Variants in NCALD observed in about 807,000 individuals in gnomAD.
NCALD encodes neurocalcin-delta.
A neutral mutation model predicts 18.6 loss-of-function variants in NCALD; 10 were observed. That is an observed-to-expected ratio of 0.54 (90% CI 0.33 to 0.91). The LOEUF is 0.91. NCALD is among the 40% of genes least tolerant of loss of function. The probability of loss-of-function intolerance (pLI) is 0.03; values close to 1 mark genes in which losing one functional copy is unlikely to be tolerated. For synonymous variants in NCALD, 88 were observed against 87.4 expected, an observed-to-expected ratio of 1.01 and a Z score of -0.04; for missense variants, 184 against 247.6, an observed-to-expected ratio of 0.74 and a Z score of 1.72.
intron 2 of NCALD, among the ~76,000 whole-genome samples, chr8:101,995,657 T>G (rs1821212546): frequency 6.6e-6 from 1 of 151,994 alleles, no homozygotes; most frequent in South Asian, 2.1e-4. Flanking sequence ...TCATGAGGGA[T>G]TCACCCCCAT....
intron 1 of NCALD, among the ~76,000 whole-genome samples, chr8:101,741,736 A>C (rs2130698074): frequency 7.0e-6 from 1 of 142,242 alleles, no homozygotes; most frequent in South Asian, 2.4e-4. Flanking sequence ...AGACCAGCCT[A>C]AGCAGCATAG....
chr8:101,920,968 A>G (rs1357691228), intron 2 of NCALD, among the ~76,000 whole-genome samples: 5 of 152,228 alleles, frequency 3.3e-5, no homozygotes, highest in African/African-American at 1.2e-4. Flanking sequence ...TAGGAATATT[A>G]TATTGGTTAG....
chr8:102,068,939 T>C (rs1824094415), intron 1 of NCALD, among the ~76,000 whole-genome samples: 1 of 152,124 alleles, frequency 6.6e-6, no homozygotes, highest in South Asian at 2.1e-4. Flanking sequence ...CAGAAAGACA[T>C]ACACTGCATC....
intron 4 of NCALD, among the ~76,000 whole-genome samples, chr8:101,878,646 TA>T (rs1211959701): frequency 3.3e-5 from 5 of 152,260 alleles, no homozygotes; most frequent in Non-Finnish European, 5.9e-5. Flanking sequence ...AAGGAGGTCA[TA>T]CCAGCACCAA....
At chr8:101,759,254 A>G (rs866388390) in intron 1 of NCALD, among the ~76,000 whole-genome samples, 24 of 152,330 alleles carry the variant, frequency 1.6e-4, no homozygotes, top group African/African-American at 5.3e-4. Flanking sequence ...TAGTACTTCC[A>G]AGCCAATGGC....
Position 102,072,643 on chromosome 8 carries a change from T to G in NCALD, c.-210+51594A>C, listed in dbSNP as rs1248110151. On this transcript the variant is annotated intron_variant, in intron 1 of 6. Coordinates refer to the NCALD transcript ENST00000311028. ...ATAATAATAATACATTTAATAGGCTTTATGCACTTTGGGAAATGTAGTGCC... is the reference window on the plus strand; with the variant it reads ...ATAATAATAATACATTTAATAGGCTGTATGCACTTTGGGAAATGTAGTGCC... Among the ~76,000 whole-genome samples, 6 of 152,074 alleles carry G rather than the reference T, an allele frequency of 3.9e-5. No homozygotes were observed. In the East Asian group the frequency reaches 1.2e-3, roughly 29 times the overall value.
intron 2 of NCALD, among the ~76,000 whole-genome samples, chr8:101,931,270 G>A (rs1818562094): frequency 6.6e-6 from 1 of 152,216 alleles, no homozygotes; most frequent in Non-Finnish European, 1.5e-5. Context: ...TTAATGATCT[G>A]AGGCAGTTCA....
At chr8:101,975,279 C>G (rs573052403) in intron 2 of NCALD, 6 of 152,076 alleles carry the variant, frequency 3.9e-5, no homozygotes, top group Non-Finnish European at 8.8e-5. Flanking sequence ...TCTTCGTGTT[C>G]CAGAAGTTTG....
chr8:102,099,076 A>G (rs1825191545), intron 1 of NCALD, among the ~76,000 whole-genome samples: 1 of 152,240 alleles, frequency 6.6e-6, no homozygotes. Flanking sequence ...TGGGAGGTAG[A>G]AAGTGTGAGA....
rs1316988466 is a variant in NCALD, at chr8:101,895,212, C to T, written c.-106-7985G>A. 1.9e-3 allele frequency among the ~76,000 whole-genome samples: 280 copies of T among 149,210 alleles called. 3 individuals are homozygous for T. Among genetic ancestry groups the T allele is most frequent in the Non-Finnish European group, 2.2e-3 (146 of 67,856 alleles). ...TGGGATGCAAGGCTGGTTCGATATA[C>T]GCAAATCAATAAATGTAATCCAGCA... On this transcript the variant is annotated intron_variant, in intron 3 of 6. Coordinates refer to the NCALD transcript ENST00000311028.
At chr8:102,045,121 CA>C (rs1207064471) in intron 1 of NCALD, among the ~76,000 whole-genome samples, 4 of 152,192 alleles carry the variant, frequency 2.6e-5, no homozygotes, top group Non-Finnish European at 5.9e-5. Flanking sequence ...GCCATGAGAC[CA>C]GGGGCCCATA....
intron 1 of NCALD, among the ~76,000 whole-genome samples, chr8:102,067,736 C>T (rs1824055643): frequency 6.6e-6 from 1 of 152,180 alleles, no homozygotes; most frequent in Admixed American, 6.5e-5. Flanking sequence ...TGCAGTAACA[C>T]ACCTCACTAT....
intron 1 of NCALD, among the ~76,000 whole-genome samples, chr8:101,757,349 C>T (rs1338895827): frequency 2.0e-5 from 3 of 152,152 alleles, no homozygotes; most frequent in Non-Finnish European, 4.4e-5. Context: ...CTAGGTAAAG[C>T]TATGTGTTAC....
intron 2 of NCALD, among the ~76,000 whole-genome samples, chr8:102,009,033 TAAA>T (rs2079058161): frequency 6.8e-6 from 1 of 146,366 alleles, no homozygotes; most frequent in Admixed American, 7.0e-5. Context: ...ATTCAAAAAA[TAAA>T]AAAGTGGAGA....
intron 2 of NCALD, among the ~76,000 whole-genome samples, chr8:101,947,780 T>A (rs191109843): frequency 1.7e-4 from 26 of 152,336 alleles, no homozygotes; most frequent in African/African-American, 6.0e-4. Flanking sequence ...CAGAAAAGGT[T>A]TCCACTTTCA....
chr8:101,794,057 G>A (rs1240828573), upstream of NCALD, among the ~76,000 whole-genome samples: 1 of 152,290 alleles, frequency 6.6e-6, no homozygotes, highest in Admixed American at 6.5e-5. Flanking sequence ...GCTGGACCTT[G>A]AGCAAGCTAC....
At chr8:102,000,529 T>C (rs569922497) in intron 2 of NCALD, among the ~76,000 whole-genome samples, 5 of 152,052 alleles carry the variant, frequency 3.3e-5, no homozygotes, top group African/African-American at 9.6e-5. Context: ...TTGAAGAGAG[T>C]AGTGGTTCTC....
chr8:102,092,492 C>T (rs1039618488), intron 1 of NCALD, among the ~76,000 whole-genome samples: 1 of 152,166 alleles, frequency 6.6e-6, no homozygotes, highest in African/African-American at 2.4e-5. Flanking sequence ...GTAACACCCC[C>T]ACCTTAAAAC....
intron 2 of NCALD, among the ~76,000 whole-genome samples, chr8:101,705,932 T>C (rs977630735): frequency 3.9e-5 from 6 of 152,230 alleles, no homozygotes; most frequent in Admixed American, 6.5e-5. Flanking sequence ...CAGTAACTTT[T>C]GTGTTGGTTT....
Sources: allele counts gnomAD v4.1 joint callset (sites outside exome capture counted in the v4.1 genomes callset), GRCh38; gene constraint gnomAD v4.1.1; transcripts MANE v1.5; gene names NCBI Gene and HGNC (gene_info 2026-07-23, HGNC 2026-07-21).